WWOX: variants seen among roughly 807,000 people sequenced by gnomAD.
WWOX encodes WW domain-containing oxidoreductase.
WWOX carries 69 observed loss-of-function variants against 46.2 expected under a neutral mutation model. The observed-to-expected ratio is 1.49, with a 90% confidence interval of 1.23 to 1.82. WWOX has a LOEUF of 1.82. Ranked by LOEUF, WWOX falls within the 40% of genes most tolerant of loss-of-function variation. The pLI, the probability that WWOX is intolerant of heterozygous loss-of-function variation, is 0.00. For missense variants in WWOX, 919 were observed against 542.6 expected (o/e 1.69, Z -6.89); for synonymous variants, 359 against 202.6 (o/e 1.77, Z -6.56).
At chr16:78,701,063 C>A (rs1353544506) in intron 8 of WWOX, among the ~76,000 whole-genome samples, 1 of 152,092 alleles carries the variant, frequency 6.6e-6, no homozygotes, top group Non-Finnish European at 1.5e-5. Flanking sequence ...CGTTTTTCAA[C>A]CTCTCTGTGC....
intron 8 of WWOX, among the ~76,000 whole-genome samples, chr16:78,861,525 T>C (rs9934393): frequency 0.76 from 114,971 of 152,076 alleles, 43,784 homozygotes; most frequent in Middle Eastern, 0.86. Flanking sequence ...CCAAAGTAAA[T>C]GCAAGACATT....
At chr16:78,372,175 T>A (rs2081706098) in intron 5 of WWOX, among the ~76,000 whole-genome samples, 1 of 152,222 alleles carries the variant, frequency 6.6e-6, no homozygotes, top group Non-Finnish European at 1.5e-5. Flanking sequence ...TTCTCACATC[T>A]GGACAACAAG....
intron 8 of WWOX, among the ~76,000 whole-genome samples, chr16:78,806,707 A>T (rs187107141): frequency 1.3e-5 from 2 of 152,126 alleles, no homozygotes; most frequent in Admixed American, 1.3e-4. Context: ...TAGAAGTTAC[A>T]TAGCCCTAGG....
intron 8 of WWOX, among the ~76,000 whole-genome samples, chr16:78,846,889 T>A (rs2052312789): frequency 1.3e-5 from 2 of 152,244 alleles, no homozygotes; most frequent in South Asian, 4.1e-4. Flanking sequence ...GAAGGCTGTT[T>A]CTTCTTCTCC....
intron 8 of WWOX, among the ~76,000 whole-genome samples, chr16:79,024,986 T>C (rs1415500487): frequency 6.6e-6 from 1 of 152,196 alleles, no homozygotes; most frequent in Non-Finnish European, 1.5e-5. Context: ...AGTTCAATCC[T>C]AGGACCTGAG....
Position 78,328,552 on chromosome 16 carries a change from C to G in WWOX, c.517-58308C>G, listed in dbSNP as rs191460487. On this transcript the variant is annotated intron_variant, in intron 5 of 8. Coordinates refer to ENST00000566780, the MANE Select transcript of WWOX (RefSeq NM_016373.4). The stretch of plus-strand genomic sequence containing the variant: ...GCAAAGGGTTAGTACTTTATTCTTG[C>G]AACAAGTATTTATTGTAGGCCTGTA... 3.9e-5 allele frequency among the ~76,000 whole-genome samples: 6 copies of G among 152,214 alleles called. No homozygotes were observed. In the East Asian group the frequency reaches 1.2e-3, roughly 29 times the overall value.
rs115956074 is a variant in WWOX at position 78,289,894 on chromosome 16, T to C, written c.517-96966T>C. 3.9e-3 allele frequency among the ~76,000 whole-genome samples: 592 copies of C among 152,266 alleles called. 8 individuals carry two copies. The highest frequency in any genetic ancestry group is 0.013 in the African/African-American group (560 of 41,544). On this transcript the variant is annotated intron_variant, in intron 5 of 8. Coordinates refer to ENST00000566780, the MANE Select transcript of WWOX (RefSeq NM_016373.4). ...TGTCAGTACATTGCAAATTTAAGAATGTTCACTGACATTTTTAGTAGCCAC... is the reference window on the plus strand; with the variant it reads ...TGTCAGTACATTGCAAATTTAAGAACGTTCACTGACATTTTTAGTAGCCAC...
chr16:78,512,173 C>A (rs188496186), intron 8 of WWOX, among the ~76,000 whole-genome samples: 1 of 151,982 alleles, frequency 6.6e-6, no homozygotes, highest in Admixed American at 6.6e-5. Flanking sequence ...GTGGTGTTTC[C>A]TCAGAATGGT....
chr16:78,813,216 G>A (rs779990380), intron 8 of WWOX, among the ~76,000 whole-genome samples: 3 of 151,288 alleles, frequency 2.0e-5, no homozygotes, highest in Admixed American at 6.6e-5. Flanking sequence ...CTATCATAGC[G>A]TTACCTACCT....
intron 8 of WWOX, among the ~76,000 whole-genome samples, chr16:79,034,644 C>T (rs117998798): frequency 0.031 from 4,734 of 151,988 alleles, 84 homozygotes; most frequent in South Asian, 0.063. Flanking sequence ...TTTTGGTATC[C>T]AACATCTTGA....
At chr16:78,682,951 G>T (rs900639962) in intron 8 of WWOX, among the ~76,000 whole-genome samples, 1 of 152,010 alleles carries the variant, frequency 6.6e-6, no homozygotes, top group Non-Finnish European at 1.5e-5. Flanking sequence ...TGATTTCCCC[G>T]CGTAAATGAA....
At chr16:78,798,714 T>A (rs1032826184) in intron 8 of WWOX, among the ~76,000 whole-genome samples, 1 of 152,154 alleles carries the variant, frequency 6.6e-6, no homozygotes, top group Non-Finnish European at 1.5e-5. Context: ...AGCTATGGGA[T>A]GTACAGCAGA....
rs146030726 is a variant in WWOX at position 78,919,289 on chromosome 16, A to T, written c.1057-292319A>T. Among the ~76,000 whole-genome samples the T allele has an allele frequency of 6.4e-3, 969 of 152,032 alleles. 5 individuals are homozygous for T. The highest frequency in any genetic ancestry group is 7.7e-3 in the Non-Finnish European group (522 of 67,974). ...AGCCCACTTTTATAGATGGCTAAGC[A>T]GAGGCTCAGAGAAGTCAGACAACTC... On this transcript the variant is annotated intron_variant, in intron 8 of 8. Coordinates refer to ENST00000566780, the MANE Select transcript of WWOX (RefSeq NM_016373.4).
intron 8 of WWOX, among the ~76,000 whole-genome samples, chr16:79,007,142 C>A (rs923431104): frequency 6.6e-6 from 1 of 152,180 alleles, no homozygotes; most frequent in East Asian, 1.9e-4. Context: ...GATCCTTGCA[C>A]TTCCAAAACT....
intron 5 of WWOX, among the ~76,000 whole-genome samples, chr16:78,367,651 G>T (rs1468565808): frequency 2.6e-5 from 4 of 152,178 alleles, no homozygotes; most frequent in African/African-American, 9.7e-5. Flanking sequence ...TAATTTCCAG[G>T]CTGGGGAGAA....
intron 8 of WWOX, among the ~76,000 whole-genome samples, chr16:79,055,843 G>C (rs910386766): frequency 6.6e-6 from 1 of 152,188 alleles, no homozygotes; most frequent in Non-Finnish European, 1.5e-5. Context: ...TAGGCTTGTA[G>C]ATGTTGAGGA....
chr16:78,769,864 A>T (rs1478819261), intron 8 of WWOX, among the ~76,000 whole-genome samples: 1 of 151,432 alleles, frequency 6.6e-6, no homozygotes, highest in African/African-American at 2.4e-5. Flanking sequence ...AAATAAAATA[A>T]AAAAATAAAA....
At chr16:78,473,411 T>G (rs1440687588) in intron 8 of WWOX, among the ~76,000 whole-genome samples, 1 of 146,496 alleles carries the variant, frequency 6.8e-6, no homozygotes, top group Non-Finnish European at 1.5e-5. Context: ...ATTACAGACA[T>G]GAGCCGACCT....
chr16:78,323,821 C>T (rs576847252), intron 5 of WWOX, among the ~76,000 whole-genome samples: 1 of 152,278 alleles, frequency 6.6e-6, no homozygotes, highest in South Asian at 2.1e-4. Flanking sequence ...AATTGTAGAG[C>T]TTTTTGAGCC....
Sources: allele counts gnomAD v4.1 joint callset (sites outside exome capture counted in the v4.1 genomes callset), GRCh38; gene constraint gnomAD v4.1.1; transcripts MANE v1.5; gene names NCBI Gene and HGNC (gene_info 2026-07-23, HGNC 2026-07-21).